Variants in VPS13A observed in about 807,000 individuals in gnomAD.
The protein encoded by VPS13A is intermembrane lipid transfer protein VPS13A.
A neutral mutation model predicts 390.9 loss-of-function variants in VPS13A; 264 were observed. That is an observed-to-expected ratio of 0.68 (90% CI 0.61 to 0.75). The LOEUF (loss-of-function observed/expected upper bound fraction) is 0.75. Ranked by LOEUF, VPS13A falls within the 30% of genes least tolerant of loss-of-function variation. The pLI, the probability that VPS13A is intolerant of heterozygous loss-of-function variation, is 0.00. For synonymous variants in VPS13A, 1,231 were observed against 1,227.1 expected (o/e 1.00, Z -0.07); for missense variants, 3,409 against 3,733.9 (o/e 0.91, Z 2.27).
At chr9:77,237,447 CT>C (rs1342062293) in intron 17 of VPS13A, among the ~76,000 whole-genome samples, 1 of 151,860 alleles carries the variant, frequency 6.6e-6, no homozygotes, top group Non-Finnish European at 1.5e-5. Flanking sequence ...TCACTGCAAC[CT>C]CCACCTCCCT....
chr9:77,263,872 G>A (rs897650958), intron 23 of VPS13A, among the ~76,000 whole-genome samples: 2 of 152,072 alleles, frequency 1.3e-5, no homozygotes, highest in Non-Finnish European at 2.9e-5. Flanking sequence ...AGTTTTTATG[G>A]TTTTAGGTCT....
chr9:77,262,085 TTTTTC>T (rs1397339452), intron 23 of VPS13A, among the ~76,000 whole-genome samples: 1 of 152,206 alleles, frequency 6.6e-6, no homozygotes, highest in Admixed American at 6.5e-5. Context: ...GTTCATGTCT[TTTTTC>T]TATTGGGTTA....
intron 63 of VPS13A, among the ~76,000 whole-genome samples, chr9:77,369,951 A>C (rs993482034): frequency 1.3e-4 from 20 of 152,250 alleles, no homozygotes; most frequent in African/African-American, 4.6e-4. Context: ...ACTTATCAAG[A>C]GTAGTTTGAA....
At chr9:77,327,362 A>G (rs1403121066) in intron 45 of VPS13A, among the ~76,000 whole-genome samples, 1 of 152,194 alleles carries the variant, frequency 6.6e-6, no homozygotes, top group Non-Finnish European at 1.5e-5. Context: ...TAAATAGTTG[A>G]ACATGAATTT....
chr9:77,252,088 G>T, intron 21 of VPS13A, 147 bp from the exon 22 acceptor site: 1 of 709,708 alleles, frequency 1.4e-6, no homozygotes, highest in South Asian at 1.6e-5. Context: ...CCTACTGATT[G>T]TATGTACCTG....
At chr9:77,330,796 C>A (rs1449154892) in intron 45 of VPS13A, among the ~76,000 whole-genome samples, 1 of 151,778 alleles carries the variant, frequency 6.6e-6, no homozygotes, top group Admixed American at 6.6e-5. Context: ...AAAAAAAATA[C>A]ATGAAGTTGA....
intron 54 of VPS13A, among the ~76,000 whole-genome samples, chr9:77,355,296 G>A (rs1466831697): frequency 6.6e-6 from 1 of 151,988 alleles, no homozygotes; most frequent in Non-Finnish European, 1.5e-5. Flanking sequence ...TAGAATTATC[G>A]GTCTTTACTT....
At chr9:77,380,370 T>C (rs1247856543) in intron 67 of VPS13A, among the ~76,000 whole-genome samples, 4 of 152,160 alleles carry the variant, frequency 2.6e-5, no homozygotes, top group Non-Finnish European at 2.9e-5. Context: ...TGGAGTGCAG[T>C]GGCATGATCT....
At chr9:77,369,689 T>G (rs1832640112) in intron 63 of VPS13A, among the ~76,000 whole-genome samples, 1 of 152,182 alleles carries the variant, frequency 6.6e-6, no homozygotes, top group Admixed American at 6.5e-5. Flanking sequence ...CACCACATCT[T>G]GCTTTGCACA....
At chr9:77,328,992 G>A (rs1171924150) in intron 45 of VPS13A, among the ~76,000 whole-genome samples, 5 of 151,992 alleles carry the variant, frequency 3.3e-5, no homozygotes, top group Admixed American at 3.3e-4. Context: ...AAGGAGAAGT[G>A]AATGCAGGAA....
At chr9:77,209,823 T>G (rs1476845619) in intron 6 of VPS13A, among the ~76,000 whole-genome samples, 7 of 152,198 alleles carry the variant, frequency 4.6e-5, no homozygotes, top group Non-Finnish European at 8.8e-5. Context: ...GTATGCTATA[T>G]TTACCTCCTG....
chr9:77,331,255 G>A (rs1368009086), intron 45 of VPS13A, among the ~76,000 whole-genome samples: 2 of 152,020 alleles, frequency 1.3e-5, no homozygotes, highest in Non-Finnish European at 2.9e-5. Context: ...GAATTCCTAA[G>A]AAGAAAGTAC....
At chr9:77,226,010 A>G (rs200536139) in intron 14 of VPS13A, 22 bp downstream of exon 14, 3 of 1,586,744 alleles carry the variant, frequency 1.9e-6, no homozygotes, top group East Asian at 2.2e-5. Flanking sequence ...CTTTTCAATT[A>G]GTAAAAATAA....
intron 29 of VPS13A, among the ~76,000 whole-genome samples, chr9:77,282,884 G>C (rs992841514): frequency 2.0e-5 from 3 of 151,990 alleles, no homozygotes; most frequent in African/African-American, 7.2e-5. Flanking sequence ...AGGAATTCAA[G>C]GTTGCAGCGA....
chr9:77,328,886 A>G (rs1830146875), intron 45 of VPS13A, among the ~76,000 whole-genome samples: 1 of 152,202 alleles, frequency 6.6e-6, no homozygotes, highest in Non-Finnish European at 1.5e-5. Context: ...GGTTTAATTA[A>G]CTCATAGTGC....
At chr9:77,199,194 T>A (rs1255335148) in intron 1 of VPS13A, among the ~76,000 whole-genome samples, 3 of 152,186 alleles carry the variant, frequency 2.0e-5, no homozygotes, top group Admixed American at 1.3e-4. Context: ...AATTAACTAA[T>A]AACATAATTA....
intron 23 of VPS13A, 127 bp downstream of exon 23, chr9:77,260,351 CTTTTTTTTTTTTTT>C: frequency 5.3e-6 from 2 of 375,842 alleles, no homozygotes; most frequent in Non-Finnish European, 8.7e-6. Context: ...AAGAAAATTA[CTTTTTTTTTTTTTT>C]TTTTTTTTTG....
Position 77,273,345 on chromosome 9 carries a change from T to C in VPS13A, c.2493T>C (p.Leu831=). The C allele has an allele frequency of 1.2e-6, 2 of 1,610,220 alleles. No homozygotes were observed. The highest frequency in any genetic ancestry group is 1.3e-5 in the African/African-American group (1 of 74,988). Residue 831 remains leucine (L), a synonymous_variant, in exon 24 of 72, where the codon CTT becomes CTC. Coordinates refer to ENST00000360280, the MANE Select transcript of VPS13A (RefSeq NM_033305.3). The part of the protein sequence containing the change: ...ISQKIIPLLE[L]PSVSEDDSEE... ...AGAAAATAATTCCTCTCTTGGAACTTCCATCTGTTTCTGAAGATGGTAAAA... is the reference window on the plus strand; with the variant it reads ...AGAAAATAATTCCTCTCTTGGAACTCCCATCTGTTTCTGAAGATGGTAAAA...
intron 13 of VPS13A, 40 bp downstream of exon 13, chr9:77,221,396 CATAGCTCCTT>C: frequency 6.2e-7 from 1 of 1,603,300 alleles, no homozygotes; most frequent in Non-Finnish European, 8.5e-7. Context: ...TTTTATACTA[CATAGCTCCTT>C]ATTGGTCTTC....
Sources: allele counts gnomAD v4.1 joint callset (sites outside exome capture counted in the v4.1 genomes callset), GRCh38; gene constraint gnomAD v4.1.1; transcripts MANE v1.5; gene names NCBI Gene and HGNC (gene_info 2026-07-23, HGNC 2026-07-21).